The following REPS2 variants were observed in gnomAD, a reference collection of about 807,000 sequenced individuals.
REPS2 encodes ralBP1-associated Eps domain-containing protein 2.
A neutral mutation model predicts 53.6 loss-of-function variants in REPS2; 23 were observed. The observed-to-expected ratio is 0.43, with a 90% CI of 0.31 to 0.61. The LOEUF (loss-of-function observed/expected upper bound fraction) is 0.61, where lower values mean the gene tolerates loss of function less well. Ranked by LOEUF, REPS2 falls within the 20% of genes least tolerant of loss-of-function variation. The pLI, the probability that REPS2 is intolerant of heterozygous loss-of-function variation, is 0.11. For missense variants in REPS2, 446 were observed against 534.9 expected, an observed-to-expected ratio of 0.83 and a Z score of 1.64; for synonymous variants, 238 against 218.6, an observed-to-expected ratio of 1.09 and a Z score of -0.78.
chrX:17,051,926 C>CA (rs1005364727), intron 6 of REPS2, among the ~76,000 whole-genome samples: 1 of 111,953 alleles, frequency 8.9e-6, no homozygotes, highest in Non-Finnish European at 1.9e-5. Context: ...TAAATCTCAC[C>CA]AAAAGCTTTC....
chrX:17,062,578 A>T, intron 9 of REPS2, 46 bp downstream of exon 9: 1 of 934,611 alleles, frequency 1.1e-6, no homozygotes, highest in Middle Eastern at 2.7e-4. Flanking sequence ...GTATGGAGCT[A>T]AATCCATTGG....
At chrX:17,121,080 G>C (rs753865934) in intron 14 of REPS2, among the ~76,000 whole-genome samples, 2 of 111,921 alleles carry the variant, frequency 1.8e-5, no homozygotes, top group Non-Finnish European at 3.8e-5. Context: ...ATTCTGAGCA[G>C]TATCTTTTAT....
intron 1 of REPS2, among the ~76,000 whole-genome samples, chrX:16,985,593 T>C (rs1602595535): frequency 1.8e-5 from 2 of 111,877 alleles, no homozygotes. Context: ...CTGAAAAAAA[T>C]CCACGATTTG....
the REPS2 span, among the ~76,000 whole-genome samples, chrX:17,158,334 T>TA: frequency 2.6e-4 from 29 of 111,635 alleles, no homozygotes; most frequent in African/African-American, 7.5e-4. Context: ...GTATATTTTT[T>TA]AAAAAAAGCC....
chrX:17,005,072 G>GT lies in REPS2; in HGVS notation c.274-1142dup, dbSNP rs781000584. Reference sequence around the variant, plus strand: ...GTTGGAACTACACTAATGTTGGTGTGTTTTTTTCCTTGTGTGGGATAGTCT... The same window carrying GT: ...GTTGGAACTACACTAATGTTGGTGTGTTTTTTTTCCTTGTGTGGGATAGTCT... On this transcript the variant is annotated intron_variant, in intron 1 of 17. Transcript: ENST00000357277. Among the ~76,000 whole-genome samples, 4 of 111,185 alleles carry GT rather than the reference G, an allele frequency of 3.6e-5. No individual in the cohort carries two copies. The East Asian group carries it at 8.5e-4, about 23-fold the overall frequency.
At chrX:16,950,317 A>G (rs930313361) in intron 1 of REPS2, among the ~76,000 whole-genome samples, 14 of 111,896 alleles carry the variant, frequency 1.3e-4, no homozygotes, top group African/African-American at 3.6e-4. Flanking sequence ...AGTTTGGGCA[A>G]TTATGGATAA....
intron 2 of REPS2, among the ~76,000 whole-genome samples, chrX:17,016,933 A>G (rs757795243): frequency 7.4e-4 from 82 of 110,544 alleles, no homozygotes; most frequent in Non-Finnish European, 1.3e-3. Context: ...ATGGGCCCAC[A>G]CTGGAAACAA....
chrX:17,144,860 A>G (rs1603135198), intron 17 of REPS2, among the ~76,000 whole-genome samples: 1 of 111,859 alleles, frequency 8.9e-6, no homozygotes, highest in East Asian at 2.8e-4. Flanking sequence ...CACTAATTCC[A>G]GGAGATGCAA....
chrX:16,975,489 A>T lies in REPS2; in HGVS notation c.273+28355A>T, dbSNP rs771260194. ...TCAGTGATGTTGTGGTTTTTTTTTC[A>T]TCTGCTCGTTAGCCACGTGTATGTC... On this transcript the variant is annotated intron_variant, in intron 1 of 17. Coordinates refer to ENST00000357277, the MANE Select transcript of REPS2 (RefSeq NM_004726.3). 4.5e-5 allele frequency among the ~76,000 whole-genome samples: 5 copies of T among 109,923 alleles called. No homozygotes were observed. The East Asian group carries it at 1.1e-3, about 25-fold the overall frequency.
At chrX:16,982,565 A>G (rs1180842787) in intron 1 of REPS2, among the ~76,000 whole-genome samples, 1 of 112,141 alleles carries the variant, frequency 8.9e-6, no homozygotes, top group Non-Finnish European at 1.9e-5. Flanking sequence ...ACCTGTGAAC[A>G]TCTTTCTTCT....
At chrX:17,131,549 A>G (rs1253158304) in intron 14 of REPS2, among the ~76,000 whole-genome samples, 2 of 111,854 alleles carry the variant, frequency 1.8e-5, no homozygotes, top group Admixed American at 9.5e-5. Flanking sequence ...TCAGTAGATG[A>G]CTGGTGTCAG....
chrX:17,138,257 T>TG (rs895955408), intron 16 of REPS2: 2 of 112,198 alleles, frequency 1.8e-5, no homozygotes, highest in Non-Finnish European at 3.8e-5. Flanking sequence ...TGTTGTTAAT[T>TG]GGGAAATACT....
intron 5 of REPS2, among the ~76,000 whole-genome samples, chrX:17,042,683 G>C (rs1192922837): frequency 1.8e-5 from 2 of 108,139 alleles, no homozygotes; most frequent in Non-Finnish European, 4.0e-5. Flanking sequence ...AGGGACTATA[G>C]GTGGGATAAA....
chrX:17,010,573 T>G (rs1292309732), intron 2 of REPS2, among the ~76,000 whole-genome samples: 1 of 111,582 alleles, frequency 9.0e-6, no homozygotes, highest in Non-Finnish European at 1.9e-5. Flanking sequence ...GTTTCACTAT[T>G]TTTTTTGTCT....
At chrX:17,031,792 A>G (rs764222686) in intron 5 of REPS2, among the ~76,000 whole-genome samples, 34 of 111,920 alleles carry the variant, frequency 3.0e-4, no homozygotes, top group African/African-American at 1.0e-3. Context: ...AGGTGACAAG[A>G]TGGAGGGAAC....
At chrX:17,053,773 C>T (rs1304417257) in intron 7 of REPS2, among the ~76,000 whole-genome samples, 1 of 111,901 alleles carries the variant, frequency 8.9e-6, no homozygotes, top group African/African-American at 3.2e-5. Context: ...TGAGACACGC[C>T]TATGAAAGCT....
chrX:17,028,578 T>C (rs1347309918), intron 4 of REPS2, among the ~76,000 whole-genome samples: 1 of 111,965 alleles, frequency 8.9e-6, no homozygotes, highest in Non-Finnish European at 1.9e-5. Context: ...TAGGAAGAAA[T>C]ACAAAAAGCA....
chrX:17,060,259 C>T (rs2062140598), intron 8 of REPS2, among the ~76,000 whole-genome samples: 3 of 110,513 alleles, frequency 2.7e-5, no homozygotes, highest in Non-Finnish European at 3.8e-5. Context: ...GCCGAGATTG[C>T]GTCACTGCAC....
At chrX:17,064,411 T>A (rs989817721) in intron 9 of REPS2, among the ~76,000 whole-genome samples, 1 of 112,010 alleles carries the variant, frequency 8.9e-6, no homozygotes, top group Non-Finnish European at 1.9e-5. Context: ...CTGTGATCGA[T>A]GACTCCAGTA....
Sources: allele counts gnomAD v4.1 joint callset (sites outside exome capture counted in the v4.1 genomes callset), GRCh38; gene constraint gnomAD v4.1.1; transcripts MANE v1.5; gene names NCBI Gene and HGNC (gene_info 2026-07-23, HGNC 2026-07-21).